ZBTB20: variants seen among roughly 807,000 people sequenced by gnomAD.
ZBTB20 encodes the protein zinc finger and BTB domain containing 20.
A neutral mutation model predicts 56.9 loss-of-function variants in ZBTB20; 9 were observed. The observed-to-expected ratio is 0.16, with a 90% CI of 0.10 to 0.28. The LOEUF (loss-of-function observed/expected upper bound fraction) is 0.28. Ranked by LOEUF, ZBTB20 falls within the 10% of genes least tolerant of loss-of-function variation. The pLI, the probability that ZBTB20 is intolerant of heterozygous loss-of-function variation, is 1.00. For synonymous variants in ZBTB20, 417 were observed against 420.7 expected, an observed-to-expected ratio of 0.99 and a Z score of 0.11; for missense variants, 655 against 1,003.0, an observed-to-expected ratio of 0.65 and a Z score of 4.69.
intron 5 of ZBTB20, among the ~76,000 whole-genome samples, chr3:114,774,549 A>G (rs2108752274): frequency 6.6e-6 from 1 of 152,264 alleles, no homozygotes; most frequent in Middle Eastern, 3.4e-3. Context: ...GTAAGGAGAT[A>G]CCATAATTTC....
intron 2 of ZBTB20, among the ~76,000 whole-genome samples, chr3:115,052,685 C>T (rs1056763084): frequency 1.2e-4 from 18 of 152,018 alleles, no homozygotes; most frequent in African/African-American, 3.9e-4. Context: ...CAAAAGTGAG[C>T]TAATTTAAGA....
At chr3:114,993,372 C>A (rs2078898477) in intron 2 of ZBTB20, among the ~76,000 whole-genome samples, 1 of 151,808 alleles carries the variant, frequency 6.6e-6, no homozygotes, top group African/African-American at 2.4e-5. Flanking sequence ...GATACATCAA[C>A]AGGAAAGAAT....
chr3:114,466,832 T>G (rs765574924), intron 7 of ZBTB20, among the ~76,000 whole-genome samples: 7 of 152,114 alleles, frequency 4.6e-5, no homozygotes, highest in African/African-American at 9.7e-5. Flanking sequence ...ATTTAGAACA[T>G]GGGAGAAAAG....
intron 6 of ZBTB20, among the ~76,000 whole-genome samples, chr3:114,590,219 G>A (rs915419288): frequency 2.0e-5 from 3 of 152,068 alleles, no homozygotes; most frequent in Admixed American, 6.6e-5. Context: ...TTTTGGGAGG[G>A]CGAGGCGGGC....
chr3:114,941,047 T>C (rs1461419630), intron 3 of ZBTB20, among the ~76,000 whole-genome samples: 1 of 146,260 alleles, frequency 6.8e-6, no homozygotes, highest in Non-Finnish European at 1.5e-5. Context: ...AAAATAAAAA[T>C]ACAAAGGATG....
intron 1 of ZBTB20, among the ~76,000 whole-genome samples, chr3:115,082,255 A>G (rs1449561713): frequency 6.6e-6 from 1 of 152,214 alleles, no homozygotes; most frequent in Non-Finnish European, 1.5e-5. Context: ...TCTTGTTCTA[A>G]GCCAAAACAC....
At chr3:115,128,742 A>AGGGCAGTGGAGGGGAGGGG (rs1560593960) in intron 1 of ZBTB20, among the ~76,000 whole-genome samples, 1 of 68,700 alleles carries the variant, frequency 1.5e-5, no homozygotes, top group African/African-American at 5.6e-5. Flanking sequence ...GAGGGGAGGG[A>AGGGCAGTGGAGGGGAGGGG]AGGGGAGGGG....
chr3:114,974,592 G>T (rs1203969399), intron 2 of ZBTB20, among the ~76,000 whole-genome samples, 176 bp from the exon 3 acceptor site: 1 of 152,094 alleles, frequency 6.6e-6, no homozygotes, highest in African/African-American at 2.4e-5. Flanking sequence ...GTAAAACGTG[G>T]CCCAAATATA....
intron 7 of ZBTB20, among the ~76,000 whole-genome samples, chr3:114,438,771 T>C (rs1247893205): frequency 6.6e-6 from 1 of 152,132 alleles, no homozygotes; most frequent in East Asian, 1.9e-4. Context: ...AAAAAATTAT[T>C]AAGAATTTCA....
At chr3:114,848,904 T>C (rs1250720601) in intron 4 of ZBTB20, among the ~76,000 whole-genome samples, 1 of 152,156 alleles carries the variant, frequency 6.6e-6, no homozygotes, top group African/African-American at 2.4e-5. Context: ...TGTGCTACTA[T>C]CACAAGAGTG....
chr3:114,717,254 A>G (rs2064549919), intron 5 of ZBTB20, among the ~76,000 whole-genome samples: 1 of 152,152 alleles, frequency 6.6e-6, no homozygotes, highest in African/African-American at 2.4e-5. Flanking sequence ...TTTCTACTAG[A>G]GAGAGGTTTA....
At chr3:114,631,379 A>ATTTTTTT (rs1479430066) in intron 6 of ZBTB20, among the ~76,000 whole-genome samples, 8 of 22,376 alleles carry the variant, frequency 3.6e-4, no homozygotes, top group Non-Finnish European at 7.5e-4. Flanking sequence ...TAAATAGGTT[A>ATTTTTTT]TTCTTTTTTT....
intron 1 of ZBTB20, among the ~76,000 whole-genome samples, chr3:115,133,658 C>G (rs896723586): frequency 6.6e-5 from 10 of 152,142 alleles, no homozygotes; most frequent in African/African-American, 2.4e-4. Flanking sequence ...TGGCCTCTTT[C>G]ACTGAGTATG....
chr3:114,695,487 A>G (rs113446762), intron 5 of ZBTB20, among the ~76,000 whole-genome samples: 34 of 152,158 alleles, frequency 2.2e-4, no homozygotes, highest in African/African-American at 7.9e-4. Flanking sequence ...ATGAAAATGG[A>G]AGCTATTCTG....
At chr3:114,468,892 G>C (rs1312827684) in intron 7 of ZBTB20, among the ~76,000 whole-genome samples, 2 of 150,962 alleles carry the variant, frequency 1.3e-5, no homozygotes, top group Admixed American at 1.3e-4. Context: ...TAGGGACTTT[G>C]TCAAACTGGA....
intron 3 of ZBTB20, among the ~76,000 whole-genome samples, chr3:114,926,979 A>C (rs1484386282): frequency 6.6e-6 from 1 of 152,124 alleles, no homozygotes; most frequent in African/African-American, 2.4e-5. Flanking sequence ...CTGGGGGCTC[A>C]ATCAATCCTC....
At chr3:114,669,942 A>G (rs1472704773) in intron 6 of ZBTB20, among the ~76,000 whole-genome samples, 1 of 152,122 alleles carries the variant, frequency 6.6e-6, no homozygotes, top group African/African-American at 2.4e-5. Context: ...TGTCAATTAT[A>G]TATGAAAGGA....
chr3:114,732,044 T>C (rs2065802862), intron 5 of ZBTB20, among the ~76,000 whole-genome samples: 1 of 152,206 alleles, frequency 6.6e-6, no homozygotes, highest in Non-Finnish European at 1.5e-5. Flanking sequence ...AGCCATTCTA[T>C]TGTCTAGCAA....
At chr3:114,385,390 G>A (rs2084980527) in intron 8 of ZBTB20, among the ~76,000 whole-genome samples, 1 of 152,128 alleles carries the variant, frequency 6.6e-6, no homozygotes, top group Non-Finnish European at 1.5e-5. Flanking sequence ...GCATCTCTGA[G>A]CCTCATTTTC....
Sources: allele counts gnomAD v4.1 joint callset (sites outside exome capture counted in the v4.1 genomes callset), GRCh38; gene constraint gnomAD v4.1.1; transcripts MANE v1.5; gene names NCBI Gene and HGNC (gene_info 2026-07-23, HGNC 2026-07-21).